The following XIRP2 variants were observed in gnomAD, a reference collection of about 807,000 sequenced individuals.
The protein encoded by XIRP2 is xin actin binding repeat containing 2, also known as xin actin-binding repeat-containing protein 2.
XIRP2 carries 236 observed loss-of-function variants against 277.0 expected under a neutral mutation model. That is an observed-to-expected ratio of 0.85 (90% CI 0.77 to 0.95). The LOEUF is 0.95. XIRP2 is among the 40% of genes least tolerant of loss of function. The pLI, the probability that XIRP2 is intolerant of heterozygous loss-of-function variation, is 0.00. For synonymous variants in XIRP2, 1,490 were observed against 1,416.5 expected (o/e 1.05, Z -1.17); for missense variants, 4,640 against 4,157.5 (o/e 1.12, Z -3.19).
intron 10 of XIRP2, 146 bp downstream of exon 10, chr2:167,254,311 G>A: frequency 2.9e-6 from 3 of 1,048,904 alleles, no homozygotes; most frequent in South Asian, 7.1e-5. Context: ...CTCATGTTCT[G>A]TGATGTATTT....
intron 2 of XIRP2, among the ~76,000 whole-genome samples, chr2:167,056,228 T>A (rs1236937024): frequency 2.6e-5 from 4 of 152,092 alleles, no homozygotes; most frequent in African/African-American, 9.7e-5. Context: ...TAAAAGTAAC[T>A]GGGGGGAAAA....
Position 167,259,589 on chromosome 2 carries a change from C to T in XIRP2, c.*1772C>T, listed in dbSNP as rs1695787014. The T allele has an allele frequency of 4.6e-6, 2 of 434,214 alleles. No homozygotes were observed. The highest frequency in any genetic ancestry group is 2.1e-5 in the African/African-American group (1 of 48,710). 26.9% of individuals were successfully genotyped at this position (434,214 alleles called of 1,614,324 possible). On this transcript the variant is annotated 3_prime_UTR_variant, in exon 11 of 11. Transcript: ENST00000409195. ...TGAACTGGAATGAAGAGATGAAACA[C>T]TATGGATATGTTTTCCATTCAAATG...
intron 2 of XIRP2, among the ~76,000 whole-genome samples, chr2:166,975,190 A>C (rs1469075151): frequency 6.6e-6 from 1 of 152,226 alleles, no homozygotes; most frequent in Non-Finnish European, 1.5e-5. Context: ...AAATAGATCT[A>C]CAACAGTTGA....
chr2:167,197,472 T>C (rs1559016612), intron 3 of XIRP2, among the ~76,000 whole-genome samples: 1 of 151,986 alleles, frequency 6.6e-6, no homozygotes, highest in Non-Finnish European at 1.5e-5. Context: ...ACTATTTTAA[T>C]CTCAACTATC....
chr2:167,054,861 T>A (rs1417905458), intron 2 of XIRP2, among the ~76,000 whole-genome samples: 14 of 152,210 alleles, frequency 9.2e-5, no homozygotes, highest in Non-Finnish European at 1.5e-5. Context: ...AATATTGATA[T>A]TTGAATGTAT....
At chr2:166,978,589 T>C (rs1385806720) in intron 2 of XIRP2, among the ~76,000 whole-genome samples, 1 of 152,242 alleles carries the variant, frequency 6.6e-6, no homozygotes, top group African/African-American at 2.4e-5. Flanking sequence ...CACATATTTG[T>C]TGAATATATT....
At chr2:167,000,088 C>T (rs557090241) in intron 2 of XIRP2, among the ~76,000 whole-genome samples, 1 of 152,192 alleles carries the variant, frequency 6.6e-6, no homozygotes, top group South Asian at 2.1e-4. Flanking sequence ...AAACAAATTG[C>T]CCACTGGGTT....
chr2:167,141,585 A>G (rs1301114984), intron 3 of XIRP2, among the ~76,000 whole-genome samples: 1 of 152,168 alleles, frequency 6.6e-6, no homozygotes, highest in Non-Finnish European at 1.5e-5. Context: ...TGACATTTAA[A>G]CTAAGACTTG....
chr2:167,244,578 A>G lies in XIRP2; in HGVS notation c.3186A>G (p.Gln1062=). 1.2e-6 allele frequency: 2 copies of G among 1,612,698 alleles called. No individual in the cohort carries two copies. Among genetic ancestry groups the G allele is most frequent in the Non-Finnish European group, 1.7e-6 (2 of 1,179,470 alleles). ...VKSAKWLFET[Q]PLDSIKYFSD... The stretch of plus-strand genomic sequence containing the variant: ...CTGCCAAATGGTTGTTTGAAACCCA[A>G]CCTCTTGATTCAATTAAATATTTTA... The change falls in exon 9 of 11, where the codon CAA becomes CAG. Residue 1062 remains glutamine (Q), a synonymous_variant. Coordinates refer to ENST00000409195, the MANE Select transcript of XIRP2 (RefSeq NM_152381.6).
intron 3 of XIRP2, among the ~76,000 whole-genome samples, chr2:167,195,853 G>A (rs1188247066): frequency 6.6e-6 from 1 of 152,176 alleles, no homozygotes; most frequent in Non-Finnish European, 1.5e-5. Context: ...CTGACTCTGG[G>A]CTGCAGGAGT....
At chr2:166,923,027 A>G (rs1449719379) in intron 2 of XIRP2, among the ~76,000 whole-genome samples, 1 of 151,994 alleles carries the variant, frequency 6.6e-6, no homozygotes. Context: ...CTAAAATTAA[A>G]AAAAAAAGTG....
At chr2:167,017,098 A>C (rs1468171059) in intron 2 of XIRP2, among the ~76,000 whole-genome samples, 2 of 151,810 alleles carry the variant, frequency 1.3e-5, no homozygotes, top group Non-Finnish European at 2.9e-5. Context: ...GGTCTCCTTC[A>C]CCAAATAATT....
At chr2:166,969,125 C>T (rs997340435) in intron 2 of XIRP2, among the ~76,000 whole-genome samples, 12 of 152,064 alleles carry the variant, frequency 7.9e-5, no homozygotes, top group Non-Finnish European at 1.5e-4. Flanking sequence ...TCTAAATCTA[C>T]GTGTTTCTTC....
chr2:167,153,222 A>T (rs1248752639), intron 3 of XIRP2, among the ~76,000 whole-genome samples: 2 of 152,126 alleles, frequency 1.3e-5, no homozygotes, highest in Non-Finnish European at 2.9e-5. Flanking sequence ...TAGAGACTCA[A>T]TATGATACTA....
At chr2:167,196,258 G>A (rs1368443961) in intron 3 of XIRP2, among the ~76,000 whole-genome samples, 1 of 152,096 alleles carries the variant, frequency 6.6e-6, no homozygotes, top group Non-Finnish European at 1.5e-5. Context: ...AAAAGTTTGG[G>A]CAACATACGA....
intron 2 of XIRP2, among the ~76,000 whole-genome samples, chr2:166,907,944 T>G (rs1684574032): frequency 6.6e-6 from 1 of 152,146 alleles, no homozygotes; most frequent in Admixed American, 6.5e-5. Context: ...GGACATGAAC[T>G]CATCCTTTTT....
At chr2:167,190,908 A>T (rs770641862) in intron 3 of XIRP2, among the ~76,000 whole-genome samples, 4 of 152,178 alleles carry the variant, frequency 2.6e-5, no homozygotes, top group Non-Finnish European at 4.4e-5. Flanking sequence ...TGTTCCAAAG[A>T]TAAAAGAAAT....
At chr2:167,203,877 CA>C (rs370477794) in intron 3 of XIRP2, among the ~76,000 whole-genome samples, 35 of 152,294 alleles carry the variant, frequency 2.3e-4, no homozygotes, top group African/African-American at 8.2e-4. Flanking sequence ...CTATCCTGCA[CA>C]CAAATCCAAG....
chr2:167,079,858 T>C (rs1438875205), intron 2 of XIRP2, among the ~76,000 whole-genome samples: 3 of 152,134 alleles, frequency 2.0e-5, no homozygotes, highest in Non-Finnish European at 2.9e-5. Flanking sequence ...ATTTGGGTTA[T>C]ATCTTTTCTT....
Sources: gnomAD v4.1 joint callset for allele counts (sites outside exome capture counted in the v4.1 genomes callset) on GRCh38, gnomAD v4.1.1 for gene constraint, MANE v1.5 for transcripts, NCBI Gene and HGNC (gene_info 2026-07-23, HGNC 2026-07-21) for gene names.